Variants in RANBP2 observed in about 807,000 individuals in gnomAD.
RANBP2 encodes the protein E3 SUMO-protein ligase RanBP2.
RANBP2 carries 57 observed loss-of-function variants against 303.6 expected under a neutral mutation model. The observed-to-expected ratio is 0.19, with a 90% CI of 0.15 to 0.23. The LOEUF is 0.23. RANBP2 is among the 10% of genes least tolerant of loss of function. The probability of loss-of-function intolerance (pLI) is 1.00; values close to 1 mark genes in which losing one functional copy is unlikely to be tolerated. For missense variants in RANBP2, 3,138 were observed against 3,780.8 expected (o/e 0.83, Z 4.46); for synonymous variants, 1,167 against 1,301.5 (o/e 0.90, Z 2.23).
chr2:109,600,745 ACT>A, the RANBP2 span, among the ~76,000 whole-genome samples: 1 of 151,874 alleles, frequency 6.6e-6, no homozygotes, highest in East Asian at 1.9e-4. Context: ...AGTCCCCAAG[ACT>A]CTGCCCCATT....
At chr2:108,917,344 C>T in the RANBP2 span, among the ~76,000 whole-genome samples, 3 of 152,234 alleles carry the variant, frequency 2.0e-5, no homozygotes, top group East Asian at 1.9e-4. Flanking sequence ...AGCTCTGGCA[C>T]GCTGCAGGGT....
chr2:109,583,711 A>T, the RANBP2 span, among the ~76,000 whole-genome samples: 11 of 152,200 alleles, frequency 7.2e-5, no homozygotes, highest in Non-Finnish European at 1.5e-5. Flanking sequence ...AGCTCTATTC[A>T]CAATAGCAAA....
At chr2:109,280,867 G>A in the RANBP2 span, among the ~76,000 whole-genome samples, 5 of 152,172 alleles carry the variant, frequency 3.3e-5, no homozygotes, top group East Asian at 1.9e-4. Flanking sequence ...ATTGCATACC[G>A]TGTCTAATAA....
chr2:109,001,823 T>C, the RANBP2 span, among the ~76,000 whole-genome samples: 8 of 152,060 alleles, frequency 5.3e-5, no homozygotes, highest in South Asian at 1.2e-3. Context: ...CTCCGCCTCC[T>C]GGGTTCATGC....
chr2:109,680,187 C>CA, the RANBP2 span, among the ~76,000 whole-genome samples: 47,298 of 127,516 alleles, frequency 0.37, 9,335 homozygotes, highest in Admixed American at 0.48. Context: ...ACTAAAAATA[C>CA]AAAAAAAAAA....
the RANBP2 span, among the ~76,000 whole-genome samples, chr2:109,060,972 A>G: frequency 9.8e-5 from 15 of 152,318 alleles, no homozygotes; most frequent in African/African-American, 3.4e-4. Context: ...GCAGGTATTA[A>G]TATTTTTAGG....
the RANBP2 span, among the ~76,000 whole-genome samples, chr2:109,472,723 G>A: frequency 6.6e-6 from 1 of 152,208 alleles, no homozygotes; most frequent in African/African-American, 2.4e-5. Context: ...ATTTTACAGA[G>A]ATTTCATCTG....
chr2:109,626,713 G>T, the RANBP2 span, among the ~76,000 whole-genome samples: 1 of 152,188 alleles, frequency 6.6e-6, no homozygotes. Flanking sequence ...TCAACAGGAT[G>T]CTGCTCAGAC....
the RANBP2 span, among the ~76,000 whole-genome samples, chr2:109,079,549 AAAAC>A: frequency 9.2e-5 from 14 of 152,362 alleles, no homozygotes; most frequent in Non-Finnish European, 1.8e-4. Context: ...AAATATTTTA[AAAAC>A]AAACCAATAA....
At chr2:109,307,223 T>G in the RANBP2 span, among the ~76,000 whole-genome samples, 1 of 152,226 alleles carries the variant, frequency 6.6e-6, no homozygotes, top group African/African-American at 2.4e-5. Flanking sequence ...ATATTCATAA[T>G]TACCTTTTTG....
the RANBP2 span, among the ~76,000 whole-genome samples, chr2:109,098,601 A>C: frequency 6.6e-6 from 1 of 152,232 alleles, no homozygotes; most frequent in African/African-American, 2.4e-5. Context: ...TTGTCTGTTT[A>C]TAAAACCAAA....
At chr2:108,891,499 G>A in the RANBP2 span, among the ~76,000 whole-genome samples, 1 of 152,184 alleles carries the variant, frequency 6.6e-6, no homozygotes, top group Non-Finnish European at 1.5e-5. Flanking sequence ...GGAGGCTGTG[G>A]TGAAGTTGTA....
the RANBP2 span, among the ~76,000 whole-genome samples, chr2:109,219,449 G>T: frequency 4.6e-5 from 7 of 152,046 alleles, no homozygotes; most frequent in East Asian, 1.3e-3. Context: ...GGAAGCTCTA[G>T]ACAGAGAAAT....
At chr2:108,990,123 C>T in the RANBP2 span, among the ~76,000 whole-genome samples, 718 of 152,280 alleles carry the variant, frequency 4.7e-3, 6 homozygotes, top group African/African-American at 0.017. Flanking sequence ...TGGTGAAACT[C>T]CGTCCCTACT....
chr2:109,572,858 G>A, the RANBP2 span, among the ~76,000 whole-genome samples: 14 of 151,918 alleles, frequency 9.2e-5, no homozygotes, highest in Admixed American at 6.6e-4. Flanking sequence ...CTTGTGATCC[G>A]CCTGCCTTGG....
the RANBP2 span, among the ~76,000 whole-genome samples, chr2:109,287,895 A>T: frequency 2.6e-5 from 4 of 152,142 alleles, no homozygotes; most frequent in African/African-American, 9.7e-5. Flanking sequence ...CCCCTTAGTG[A>T]CCCAATTAAG....
At chr2:109,509,332 G>T in the RANBP2 span, among the ~76,000 whole-genome samples, 309 of 152,268 alleles carry the variant, frequency 2.0e-3, 1 homozygote, top group African/African-American at 6.9e-3. Context: ...CACTTAGGCT[G>T]CCATATCAAA....
chr2:109,228,243 C>T, the RANBP2 span, among the ~76,000 whole-genome samples: 1 of 152,150 alleles, frequency 6.6e-6, no homozygotes, highest in Non-Finnish European at 1.5e-5. Context: ...TGCTTGGTGG[C>T]AGGTGTTAGC....
At chr2:109,119,885 A>C in the RANBP2 span, among the ~76,000 whole-genome samples, 2 of 152,236 alleles carry the variant, frequency 1.3e-5, no homozygotes, top group East Asian at 1.9e-4. Context: ...TAAGTTGAAA[A>C]AATTGCCATT....
Sources: gnomAD v4.1 joint callset for allele counts (sites outside exome capture counted in the v4.1 genomes callset) on GRCh38, gnomAD v4.1.1 for gene constraint, MANE v1.5 for transcripts, NCBI Gene and HGNC (gene_info 2026-07-23, HGNC 2026-07-21) for gene names.